MROH1: variants seen among roughly 807,000 people sequenced by gnomAD.
MROH1 encodes maestro heat like repeat family member 1.
Under a neutral mutation model 116.5 loss-of-function variants are expected in MROH1, and 117 were observed. The observed-to-expected ratio is 1.00, with a 90% CI of 0.86 to 1.17. MROH1 has a LOEUF of 1.17. Among genes scored for constraint, MROH1 ranks in the 50% most tolerant of loss-of-function variants. The probability of loss-of-function intolerance (pLI) is 0.00; values close to 1 mark genes in which losing one functional copy is unlikely to be tolerated. For synonymous variants in MROH1, 921 were observed against 583.9 expected, an observed-to-expected ratio of 1.58 and a Z score of -8.32; for missense variants, 1,873 against 1,338.5, an observed-to-expected ratio of 1.40 and a Z score of -6.23.
At position 144,190,790 on chromosome 8, in the gene MROH1, A is replaced by G; in HGVS notation, c.569A>G (p.Gln190Arg). ...TVRVAFCSAL[Q>R]RFSEGALEYL... ...CCACTGGCCGGTTTTGTAGCTCTGCAGCGCTTCAGCGAGGGTGCCCTGGAG... is the reference window on the plus strand; with the variant it reads ...CCACTGGCCGGTTTTGTAGCTCTGCGGCGCTTCAGCGAGGGTGCCCTGGAG... Residue 190 changes from glutamine (Q) to arginine (R), a missense_variant, in exon 8 of 44, where the codon CAG becomes CGG. Gln to Arg is a conservative substitution (Grantham distance 43). Transcript: ENST00000326134. 2 of 1,613,312 alleles carry G rather than the reference A, an allele frequency of 1.2e-6. No homozygotes were observed. The highest frequency in any genetic ancestry group is 1.7e-6 in the Non-Finnish European group (2 of 1,179,714).
rs373498392 is a variant in MROH1 at position 144,168,396 on chromosome 8, G to C, written c.124G>C (p.Glu42Gln). The C allele has an allele frequency of 2.2e-5, 35 of 1,611,440 alleles. No individual in the cohort carries two copies. The highest frequency in any genetic ancestry group is 6.7e-5 in the Admixed American group (4 of 59,926). Residue 42 changes from glutamate (E) to glutamine (Q), a missense_variant, in exon 4 of 44, where the codon GAG (glutamate) becomes CAG (glutamine). Glu to Gln is a conservative substitution (Grantham distance 29, BLOSUM62 2). Coordinates refer to ENST00000326134, the MANE Select transcript of MROH1 (RefSeq NM_032450.3). ...LCSLGEARPV[E>Q]TLRACEEYLR... ...CTCCCTCGGGGAGGCGCGGCCGGTG[G>C]AGACGCTCCGTGCCTGCGAGGAGTA... is the stretch of plus-strand genomic sequence containing the variant.
intron 14 of MROH1, among the ~76,000 whole-genome samples, chr8:144,237,816 C>T (rs1344477723): frequency 6.6e-6 from 1 of 152,140 alleles, no homozygotes; most frequent in Non-Finnish European, 1.5e-5. Flanking sequence ...ACTTTTGGTG[C>T]ATTTTTTCGC....
intron 33 of MROH1, chr8:144,250,852 T>C (rs1842739940): frequency 3.7e-6 from 1 of 271,324 alleles, no homozygotes; most frequent in Admixed American, 4.9e-5. Flanking sequence ...TACATCACTA[T>C]GTCTTCCCAA....
intron 32 of MROH1, 21 bp downstream of exon 32, chr8:144,249,050 G>A: frequency 1.4e-6 from 1 of 696,410 alleles, no homozygotes; most frequent in East Asian, 2.9e-5. Flanking sequence ...GCGGGGCGCG[G>A]GGGGTGCTCC....
intron 7 of MROH1, among the ~76,000 whole-genome samples, chr8:144,190,484 C>T (rs1828281548): frequency 6.6e-6 from 1 of 152,186 alleles, no homozygotes; most frequent in Non-Finnish European, 1.5e-5. Context: ...CAAGCCACTG[C>T]ATTCCAGCCT....
chr8:144,152,442 G>T (rs1259952143), intron 1 of MROH1, among the ~76,000 whole-genome samples: 14 of 151,870 alleles, frequency 9.2e-5, no homozygotes, highest in Admixed American at 5.9e-4. Context: ...AGGCTGGAGT[G>T]CAGTGGCACG....
intron 10 of MROH1, among the ~76,000 whole-genome samples, chr8:144,195,334 T>G (rs1408734304): frequency 3.3e-5 from 5 of 149,550 alleles, no homozygotes; most frequent in South Asian, 2.1e-4. Flanking sequence ...ACCCTGTCTT[T>G]ACTAAAAATG....
chr8:144,237,849 G>A (rs1478002702), intron 14 of MROH1, among the ~76,000 whole-genome samples: 2 of 152,156 alleles, frequency 1.3e-5, no homozygotes, highest in African/African-American at 4.8e-5. Flanking sequence ...CCCAGTCTGT[G>A]TCCTAACGTT....
intron 35 of MROH1, among the ~76,000 whole-genome samples, chr8:144,258,260 G>A (rs1459381303): frequency 2.0e-5 from 3 of 152,170 alleles, no homozygotes; most frequent in East Asian, 1.9e-4. Flanking sequence ...TCTTCAGCAC[G>A]CCAGCAGCCC....
At chr8:144,229,253 A>G (rs1838371894) in intron 14 of MROH1, among the ~76,000 whole-genome samples, 2 of 152,260 alleles carry the variant, frequency 1.3e-5, no homozygotes, top group African/African-American at 4.8e-5. Context: ...ACCTCTTCCC[A>G]TGAATCACAA....
At chr8:144,204,345 C>G (rs1166483221) in intron 12 of MROH1, among the ~76,000 whole-genome samples, 1 of 152,176 alleles carries the variant, frequency 6.6e-6, no homozygotes, top group Admixed American at 6.6e-5. Context: ...CTCCTGGGTT[C>G]AAGTGATCCT....
chr8:144,260,888 C>T lies in MROH1; in HGVS notation c.4537-19C>T. ...TGGGTGGCCTCAACTGGACTTGGCC[C>T]CAGTGCCGCATCCCTTAGGCCTGCA... On this transcript the variant is annotated intron_variant, in intron 40 of 43. Coordinates refer to ENST00000326134, the MANE Select transcript of MROH1 (RefSeq NM_032450.3). 1.3e-6 allele frequency: 1 copy of T among 777,574 alleles called. No homozygotes were observed. The highest frequency in any genetic ancestry group is 2.4e-6 in the Non-Finnish European group (1 of 417,756). The allele number at this position is 777,574 out of a possible 1,614,324, so 48.2% of individuals were successfully genotyped here.
chr8:144,192,567 C>T lies in MROH1; in HGVS notation c.948+166C>T, dbSNP rs541790826. ...CTCGGGTGACTTCTTAGCGATGTGGCGATGCTCTTGCCCTGCCCAGTAGTG... is the reference window on the plus strand; with the variant it reads ...CTCGGGTGACTTCTTAGCGATGTGGTGATGCTCTTGCCCTGCCCAGTAGTG... On this transcript the variant is annotated intron_variant, in intron 10 of 43. Coordinates refer to ENST00000326134, the MANE Select transcript of MROH1 (RefSeq NM_032450.3). 2.9e-4 allele frequency: 209 copies of T among 715,422 alleles called. 2 individuals are homozygous for T. The South Asian group carries it at 3.0e-3, about 10-fold the overall frequency. The allele number at this position is 715,422 out of a possible 1,614,324, so 44.3% of individuals were successfully genotyped here.
Position 144,190,784 on chromosome 8 carries a change from C to T in MROH1, c.563C>T (p.Ala188Val). The change falls in exon 8 of 44, where the codon GCT becomes GTT. Residue 188 changes from alanine to valine, a missense_variant and splice_region_variant. Physicochemically the swap from Ala to Val is moderately conservative, Grantham distance 64 (BLOSUM62 0). Transcript: ENST00000326134. ...CACTTACCACTGGCCGGTTTTGTAG[C>T]TCTGCAGCGCTTCAGCGAGGGTGCC... is the stretch of plus-strand genomic sequence containing the variant. ...QDTVRVAFCS[A>V]LQRFSEGALE... 1.9e-6 allele frequency: 3 copies of T among 1,612,976 alleles called. No individual in the cohort carries two copies. The highest frequency in any genetic ancestry group is 2.2e-5 in the South Asian group (2 of 91,012).
At chr8:144,248,348 C>G (rs1842264821) in intron 31 of MROH1, among the ~76,000 whole-genome samples, 1 of 150,990 alleles carries the variant, frequency 6.6e-6, no homozygotes, top group South Asian at 2.1e-4. Flanking sequence ...AGCTGCCCCT[C>G]CCTCCGTGCT....
At position 144,179,513 on chromosome 8, in the gene MROH1, G is replaced by A. The variant is rs369873355; in HGVS notation, c.227G>A (p.Arg76His). 14 of 1,613,438 alleles carry A rather than the reference G, an allele frequency of 8.7e-6. No individual in the cohort carries two copies. Among genetic ancestry groups the A allele is most frequent in the Non-Finnish European group, 1.2e-5 (14 of 1,179,830 alleles). ...GCCATGGAGAGGGTCCTGAGCAGTC[G>A]CGCCAGTGAGCTGGACAAGGACACA... is the stretch of plus-strand genomic sequence containing the variant. ...LRAMERVLSS[R>H]ASELDKDTAS... The change falls in exon 5 of 44, where the codon CGC becomes CAC. Residue 76 changes from arginine to histidine, a missense_variant. Physicochemically the swap from Arg to His is conservative, Grantham distance 29. Transcript: ENST00000326134.
chr8:144,222,462 C>G (rs1334458219), intron 13 of MROH1, among the ~76,000 whole-genome samples: 1 of 152,178 alleles, frequency 6.6e-6, no homozygotes. Context: ...GGCCTTCACA[C>G]AGCTTAGGGA....
chr8:144,261,105 T>C lies in MROH1; in HGVS notation c.4672-9T>C. 2 of 775,250 alleles carry C rather than the reference T, an allele frequency of 2.6e-6. No homozygotes were observed. The highest frequency in any genetic ancestry group is 1.3e-5 in the South Asian group (1 of 74,538). 48.0% of individuals were successfully genotyped at this position (775,250 alleles called of 1,614,324 possible). On this transcript the variant is annotated splice_polypyrimidine_tract_variant and intron_variant, in intron 41 of 43. Coordinates refer to ENST00000326134, the MANE Select transcript of MROH1 (RefSeq NM_032450.3). Reference sequence around the variant, plus strand: ...GGGGCCAGGCGGCACTGACCAGGCCTCTCCCCAGATGCACCATTTCCCAGA... The same window carrying C: ...GGGGCCAGGCGGCACTGACCAGGCCCCTCCCCAGATGCACCATTTCCCAGA...
chr8:144,241,204 G>A, intron 21 of MROH1, 93 bp downstream of exon 21: 2 of 705,350 alleles, frequency 2.8e-6, no homozygotes, highest in South Asian at 3.1e-5. Context: ...TAGCCTGTGT[G>A]CCTGTGTGTG....
Sources: gnomAD v4.1 joint callset for allele counts (sites outside exome capture counted in the v4.1 genomes callset) on GRCh38, gnomAD v4.1.1 for gene constraint, MANE v1.5 for transcripts, NCBI Gene and HGNC (gene_info 2026-07-23, HGNC 2026-07-21) for gene names.